Variants in CUX2 observed in about 807,000 individuals in gnomAD.
The protein encoded by CUX2 is homeobox protein cut-like 2.
CUX2 carries 40 observed loss-of-function variants against 144.8 expected under a neutral mutation model. The observed-to-expected ratio is 0.28, with a 90% CI of 0.21 to 0.36. The LOEUF (loss-of-function observed/expected upper bound fraction) is 0.36. Ranked by LOEUF, CUX2 falls within the 10% of genes least tolerant of loss-of-function variation. The probability of loss-of-function intolerance (pLI) is 1.00; values close to 1 mark genes in which losing one functional copy is unlikely to be tolerated. For synonymous variants in CUX2, 827 were observed against 875.6 expected, an observed-to-expected ratio of 0.94 and a Z score of 0.98; for missense variants, 1,615 against 1,994.0, an observed-to-expected ratio of 0.81 and a Z score of 3.62.
chr12:111,197,363 C>G (rs1011092538), intron 1 of CUX2, among the ~76,000 whole-genome samples: 12 of 152,226 alleles, frequency 7.9e-5, no homozygotes, highest in Non-Finnish European at 1.5e-4. Flanking sequence ...AGCCCAGAAT[C>G]CCATCCTCAT....
chr12:111,070,197 G>A (rs368561226), intron 1 of CUX2, among the ~76,000 whole-genome samples: 1 of 152,198 alleles, frequency 6.6e-6, no homozygotes. Context: ...GGGAGTGGGA[G>A]AAGGGAATGG....
rs1321476168 is a variant in CUX2, at chr12:111,287,686, G to T, written c.302-3732G>T. Reference sequence around the variant, plus strand: ...GCCCTGCCTAATGACGGGGCGTGGGGGCTGCCGGCAGATGAAAGCCACCGC... The same window carrying T: ...GCCCTGCCTAATGACGGGGCGTGGGTGCTGCCGGCAGATGAAAGCCACCGC... On this transcript the variant is annotated intron_variant, in intron 4 of 21. Coordinates refer to ENST00000261726, the MANE Select transcript of CUX2 (RefSeq NM_015267.4). The surrounding 1 kb of genome is among the most constrained non-coding windows in gnomAD (Gnocchi z 4.2). Among the ~76,000 whole-genome samples, 1 of 152,230 alleles carries T rather than the reference G, an allele frequency of 6.6e-6. No individual in the cohort carries two copies. Among genetic ancestry groups the T allele is most frequent in the East Asian group, 1.9e-4 (1 of 5,202 alleles).
chr12:111,083,199 A>T lies in CUX2; in HGVS notation c.63+48959A>T, dbSNP rs1244482927. 3.3e-5 allele frequency among the ~76,000 whole-genome samples: 5 copies of T among 152,018 alleles called. No homozygotes were observed. In the East Asian group the frequency reaches 9.7e-4, roughly 29 times the overall value. ...AAGAACCACGGTACCACCTTAGGAG[A>T]GAGATGAGCAGGGTGACCAGCCAGA... On this transcript the variant is annotated intron_variant, in intron 1 of 21. Transcript: ENST00000261726.
intron 1 of CUX2, among the ~76,000 whole-genome samples, chr12:111,147,960 G>C (rs1876802542): frequency 6.6e-6 from 1 of 152,170 alleles, no homozygotes; most frequent in Non-Finnish European, 1.5e-5. Flanking sequence ...ATACAATGCT[G>C]CAGCCACTAT....
chr12:111,145,837 G>GTTTA (rs545077864), intron 1 of CUX2, among the ~76,000 whole-genome samples: 1 of 149,836 alleles, frequency 6.7e-6, no homozygotes, highest in African/African-American at 2.5e-5. Flanking sequence ...CAGCTTTTTT[G>GTTTA]TTTGTTTGTT....
chr12:111,143,006 C>G (rs1876432554), intron 1 of CUX2, among the ~76,000 whole-genome samples: 1 of 152,168 alleles, frequency 6.6e-6, no homozygotes, highest in Non-Finnish European at 1.5e-5. Flanking sequence ...ATCTCTGAGG[C>G]CTTCTGTATC....
Position 111,334,629 on chromosome 12 carries a change from G to A in CUX2, c.3115G>A (p.Glu1039Lys), listed in dbSNP as rs768666416. 6.2e-7 allele frequency: 1 copy of A among 1,614,044 alleles called. No individual in the cohort carries two copies. The highest frequency in any genetic ancestry group is 2.2e-5 in the East Asian group (1 of 44,864). ...CAGCCAGGCCCCAGGGGGCATCCAG[G>A]AGATCGTGGCCATGTCCCCCGAGCT... The part of the protein sequence containing the change: ...SGSQAPGGIQ[E>K]IVAMSPELDT... Residue 1039 changes from glutamate (E) to lysine (K), a missense_variant, in exon 19 of 22, where the codon GAG becomes AAG. Around this residue, in one of 12 missense-constraint regions of CUX2, gnomAD observed 128 missense variants for 124.4 expected, o/e 1.03. Transcript: ENST00000261726.
chr12:111,278,972 A>C lies in CUX2; in HGVS notation c.302-12446A>C, dbSNP rs2136312336. Among the ~76,000 whole-genome samples, 2 of 152,340 alleles carry C rather than the reference A, an allele frequency of 1.3e-5. 1 individual carries two copies. Among genetic ancestry groups the C allele is most frequent in the South Asian group, 4.1e-4 (2 of 4,828 alleles). On this transcript the variant is annotated intron_variant, in intron 4 of 21. Transcript: ENST00000261726. ...AGCAAGGTAGCTCAGGGCTCCATGAATTCCTGCCAGATAGGGAAGGTGGGA... is the reference window on the plus strand; with the variant it reads ...AGCAAGGTAGCTCAGGGCTCCATGACTTCCTGCCAGATAGGGAAGGTGGGA...
chr12:111,072,544 G>T (rs1455769664), intron 1 of CUX2, among the ~76,000 whole-genome samples: 1 of 152,212 alleles, frequency 6.6e-6, no homozygotes, highest in African/African-American at 2.4e-5. Flanking sequence ...TGAGCTTAGG[G>T]ACAGGCAAGT....
Position 111,296,555 on chromosome 12 carries a change from T to A in CUX2, c.704+16T>A. 1 of 1,606,528 alleles carries A rather than the reference T, an allele frequency of 6.2e-7. No individual in the cohort carries two copies. Among genetic ancestry groups the A allele is most frequent in the Non-Finnish European group, 8.5e-7 (1 of 1,176,006 alleles). On this transcript the variant is annotated intron_variant, in intron 8 of 21. Coordinates refer to ENST00000261726, the MANE Select transcript of CUX2 (RefSeq NM_015267.4). The stretch of plus-strand genomic sequence containing the variant: ...CAGCATCCAAGTAAGTGAGCCCTGC[T>A]GAGGTGTACCTCCTCCCTTGGAGGC...
chr12:111,144,366 C>T (rs73413595), intron 1 of CUX2, among the ~76,000 whole-genome samples: 98 of 152,332 alleles, frequency 6.4e-4, no homozygotes, highest in African/African-American at 2.2e-3. Flanking sequence ...CCTGCTTTTC[C>T]TCCTATTCGG....
intron 1 of CUX2, among the ~76,000 whole-genome samples, chr12:111,058,352 T>C (rs1194195008): frequency 6.6e-6 from 1 of 152,262 alleles, no homozygotes; most frequent in Non-Finnish European, 1.5e-5. Context: ...ATTGTCTGAT[T>C]GTACCCTCTC....
chr12:111,042,522 C>T (rs1177593961), intron 1 of CUX2, among the ~76,000 whole-genome samples: 1 of 152,240 alleles, frequency 6.6e-6, no homozygotes, highest in Non-Finnish European at 1.5e-5. Flanking sequence ...CTGCCACTTA[C>T]CAGCTGTGTG....
intron 1 of CUX2, among the ~76,000 whole-genome samples, chr12:111,087,175 G>C (rs1380620314): frequency 6.6e-6 from 1 of 151,908 alleles, no homozygotes; most frequent in Non-Finnish European, 1.5e-5. Context: ...GGCCAACATG[G>C]TGAAACCCTG....
intron 1 of CUX2, among the ~76,000 whole-genome samples, chr12:111,134,897 G>T (rs1170207204): frequency 6.6e-6 from 1 of 152,170 alleles, no homozygotes; most frequent in African/African-American, 2.4e-5. Flanking sequence ...AGTTCAGTGT[G>T]ATCTAAACAC....
intron 1 of CUX2, among the ~76,000 whole-genome samples, chr12:111,067,184 AG>A (rs1430228067): frequency 6.6e-6 from 1 of 152,210 alleles, no homozygotes; most frequent in Non-Finnish European, 1.5e-5. Flanking sequence ...GACTCAACCC[AG>A]GAAGACAGGG....
At chr12:111,337,777 T>C (rs1007671197) in intron 19 of CUX2, among the ~76,000 whole-genome samples, 1 of 152,262 alleles carries the variant, frequency 6.6e-6, no homozygotes, top group Non-Finnish European at 1.5e-5. Context: ...GGCTCACGCC[T>C]GTAATTGCAG....
At chr12:111,260,782 G>A (rs1390820079) in intron 3 of CUX2, among the ~76,000 whole-genome samples, 1 of 152,202 alleles carries the variant, frequency 6.6e-6, no homozygotes, top group African/African-American at 2.4e-5. Flanking sequence ...AAACATTAAA[G>A]GAATCTTCCA....
rs1191285533 is a variant in CUX2 at position 111,322,372 on chromosome 12, C to G, written c.2767-49C>G. 2 of 1,490,916 alleles carry G rather than the reference C, an allele frequency of 1.3e-6. No individual in the cohort carries two copies. Among genetic ancestry groups the G allele is most frequent in the African/African-American group, 1.4e-5 (1 of 70,186 alleles). 92.4% of individuals were successfully genotyped at this position (1,490,916 alleles called of 1,614,324 possible). On this transcript the variant is annotated intron_variant, in intron 17 of 21. Coordinates refer to ENST00000261726, the MANE Select transcript of CUX2 (RefSeq NM_015267.4). This position sits in a 1 kb window ranked among gnomAD's most constrained non-coding sequence, Gnocchi z 4.2. The stretch of plus-strand genomic sequence containing the variant: ...TTGGGGAGGAGAGTGAGGGCCAGGC[C>G]CATGTCCCAGGGGCCTGCTGACCTA...
Sources: gnomAD v4.1 joint callset for allele counts (sites outside exome capture counted in the v4.1 genomes callset) on GRCh38, gnomAD v4.1.1 for gene constraint, gnomAD v4.1.1 regional missense constraint, Gnocchi (gnomAD v3.1) non-coding constraint, MANE v1.5 for transcripts, NCBI Gene and HGNC (gene_info 2026-07-23, HGNC 2026-07-21) for gene names.